Variants in FRAS1 observed in about 807,000 individuals in gnomAD.
FRAS1 encodes the protein Fraser extracellular matrix complex subunit 1, also known as extracellular matrix organizing protein FRAS1.
A neutral mutation model predicts 435.2 loss-of-function variants in FRAS1; 290 were observed. The ratio of observed to expected loss-of-function variants is 0.67; its 90% CI spans 0.61 to 0.73. The LOEUF is 0.73. Ranked by LOEUF, FRAS1 falls within the 30% of genes least tolerant of loss-of-function variation. FRAS1 has a pLI of 0.00. For synonymous variants in FRAS1, 1,800 were observed against 1,851.0 expected, an observed-to-expected ratio of 0.97 and a Z score of 0.71; for missense variants, 4,860 against 5,001.5, an observed-to-expected ratio of 0.97 and a Z score of 0.85.
At chr4:78,098,380 A>G (rs937703403) in intron 2 of FRAS1, among the ~76,000 whole-genome samples, 3 of 151,416 alleles carry the variant, frequency 2.0e-5, no homozygotes, top group African/African-American at 4.9e-5. Context: ...GGTTCCTGCA[A>G]TTCTCCTGCC....
chr4:78,500,154 T>C lies in FRAS1; in HGVS notation c.9316+233T>C, dbSNP rs577858503. Among the ~76,000 whole-genome samples, 12 of 152,330 alleles carry C rather than the reference T, an allele frequency of 7.9e-5. No individual in the cohort carries two copies. The East Asian group carries it at 1.9e-3, about 24-fold the overall frequency. ...AGACCATGCTGGGCATTTTGGTTCA[T>C]TTAAAAGAATTTTTTGTTAGCCTAA... is the stretch of plus-strand genomic sequence containing the variant. On this transcript the variant is annotated intron_variant, in intron 61 of 73. Coordinates refer to ENST00000512123, the MANE Select transcript of FRAS1 (RefSeq NM_025074.7).
At chr4:78,191,515 G>T (rs575621850) in intron 2 of FRAS1, among the ~76,000 whole-genome samples, 2 of 145,528 alleles carry the variant, frequency 1.4e-5, no homozygotes, top group Admixed American at 1.4e-4. Context: ...AAATCCTCGG[G>T]ATTTGTTTGT....
intron 30 of FRAS1, among the ~76,000 whole-genome samples, chr4:78,401,478 C>CCT (rs1490773571): frequency 6.6e-6 from 1 of 152,174 alleles, no homozygotes; most frequent in East Asian, 1.9e-4. Flanking sequence ...ACAAAGAGGA[C>CCT]ACTGAAGGCC....
At position 78,488,949 on chromosome 4, in the gene FRAS1, C is replaced by A; in HGVS notation, c.8827C>A (p.Arg2943=). The A allele has an allele frequency of 6.2e-7, 1 of 1,613,524 alleles. No homozygotes were observed. The highest frequency in any genetic ancestry group is 8.5e-7 in the Non-Finnish European group (1 of 1,179,710). Residue 2943 remains arginine (R), a synonymous_variant, in exon 59 of 74, where the codon CGG becomes AGG. Transcript: ENST00000512123. The stretch of plus-strand genomic sequence containing the variant: ...GGGTGTCCTGCATGTCCCTATCACT[C>A]GGAGCGGAGACCTGAGCTATGAGTC... The part of the protein sequence containing the change: ...KEGVLHVPIT[R]SGDLSYESSV...
chr4:78,216,004 A>AG (rs1306169387), intron 2 of FRAS1, among the ~76,000 whole-genome samples: 1 of 152,192 alleles, frequency 6.6e-6, no homozygotes, highest in African/African-American at 2.4e-5. Flanking sequence ...TCATTGGTTG[A>AG]GTCCTCTCCT....
intron 13 of FRAS1, among the ~76,000 whole-genome samples, chr4:78,286,023 A>G (rs772111235): frequency 2.6e-5 from 4 of 152,096 alleles, no homozygotes; most frequent in Non-Finnish European, 4.4e-5. Flanking sequence ...AGTGACAAAG[A>G]TATTGGGGGC....
chr4:78,406,975 A>G (rs967319493), intron 30 of FRAS1, among the ~76,000 whole-genome samples: 5 of 152,170 alleles, frequency 3.3e-5, no homozygotes, highest in African/African-American at 4.8e-5. Context: ...TACAGCCAAA[A>G]CTTGTTTCAT....
At chr4:78,400,947 A>G in intron 30 of FRAS1, 60 bp downstream of exon 30, 2 of 1,527,372 alleles carry the variant, frequency 1.3e-6, no homozygotes. Context: ...AGGGTTTGCT[A>G]CTGTATAGTG....
intron 7 of FRAS1, among the ~76,000 whole-genome samples, chr4:78,266,268 C>T (rs537578947): frequency 1.6e-3 from 249 of 152,308 alleles, no homozygotes; most frequent in African/African-American, 5.5e-3. Flanking sequence ...CCCTCCCATC[C>T]CCAAGGAGAC....
intron 66 of FRAS1, 121 bp from the exon 67 acceptor site, chr4:78,519,210 A>T: frequency 1.3e-6 from 1 of 790,166 alleles, no homozygotes; most frequent in Non-Finnish European, 1.8e-6. Flanking sequence ...CACTTGCTTA[A>T]TAATTATTGA....
intron 22 of FRAS1, among the ~76,000 whole-genome samples, chr4:78,368,340 T>C (rs1344710343): frequency 6.7e-6 from 1 of 148,604 alleles, no homozygotes; most frequent in African/African-American, 2.5e-5. Context: ...CATTCTTTTT[T>C]TTTTTCAGGG....
At chr4:78,345,258 C>T (rs923486142) in intron 20 of FRAS1, among the ~76,000 whole-genome samples, 1 of 152,074 alleles carries the variant, frequency 6.6e-6, no homozygotes, top group East Asian at 1.9e-4. Flanking sequence ...CGGAAGCCCC[C>T]CTGAAGAATT....
At chr4:78,530,122 TTGGCTTTC>T (rs1171141975) in intron 70 of FRAS1, among the ~76,000 whole-genome samples, 1 of 152,112 alleles carries the variant, frequency 6.6e-6, no homozygotes, top group Non-Finnish European at 1.5e-5. Flanking sequence ...ACCACTCCCT[TTGGCTTTC>T]TCTCTATTAC....
At chr4:78,417,362 T>A (rs1284418559) in intron 32 of FRAS1, among the ~76,000 whole-genome samples, 5 of 152,184 alleles carry the variant, frequency 3.3e-5, no homozygotes, top group Admixed American at 2.6e-4. Context: ...GTTATTATGA[T>A]AGTTTTGATA....
chr4:78,475,230 C>T (rs1485038436), intron 53 of FRAS1, among the ~76,000 whole-genome samples: 1 of 152,230 alleles, frequency 6.6e-6, no homozygotes, highest in Non-Finnish European at 1.5e-5. Context: ...CGACATTCTG[C>T]ATCCACAGCT....
intron 22 of FRAS1, among the ~76,000 whole-genome samples, chr4:78,369,278 G>A (rs1447126242): frequency 6.6e-6 from 1 of 150,966 alleles, no homozygotes; most frequent in Non-Finnish European, 1.5e-5. Flanking sequence ...TTAAATAAGG[G>A]AAGATGGAAG....
At chr4:78,305,074 T>C (rs1405137133) in intron 14 of FRAS1, among the ~76,000 whole-genome samples, 1 of 152,206 alleles carries the variant, frequency 6.6e-6, no homozygotes, top group Non-Finnish European at 1.5e-5. Context: ...TTTGTTCTCA[T>C]TGGTTTCAAA....
intron 70 of FRAS1, among the ~76,000 whole-genome samples, chr4:78,527,944 A>G (rs1460013803): frequency 1.3e-5 from 2 of 152,164 alleles, no homozygotes; most frequent in African/African-American, 4.8e-5. Context: ...GATCCAGGGC[A>G]TGAGGGAAGG....
At chr4:78,244,245 A>G (rs1175525260) in intron 3 of FRAS1, among the ~76,000 whole-genome samples, 1 of 152,016 alleles carries the variant, frequency 6.6e-6, no homozygotes, top group African/African-American at 2.4e-5. Flanking sequence ...AATAATAAAT[A>G]TTAATAACAT....
Sources: gnomAD v4.1 joint callset for allele counts (sites outside exome capture counted in the v4.1 genomes callset) on GRCh38, gnomAD v4.1.1 for gene constraint, MANE v1.5 for transcripts, NCBI Gene and HGNC (gene_info 2026-07-23, HGNC 2026-07-21) for gene names.